The following SPATA31D1 variants were observed in gnomAD, a reference collection of about 807,000 sequenced individuals.
SPATA31D1 encodes the protein spermatogenesis-associated protein 31D1.
Under a neutral mutation model 13.2 loss-of-function variants are expected in SPATA31D1, and 6 were observed. The observed-to-expected ratio is 0.46, with a 90% CI of 0.25 to 0.90. SPATA31D1 has a LOEUF of 0.90. Ranked by LOEUF, SPATA31D1 falls within the 40% of genes least tolerant of loss-of-function variation. The probability of loss-of-function intolerance (pLI) is 0.18; values close to 1 mark genes in which losing one functional copy is unlikely to be tolerated. For synonymous variants in SPATA31D1, 903 were observed against 718.8 expected (o/e 1.26, Z -4.10); for missense variants, 2,445 against 1,884.7 (o/e 1.30, Z -5.50).
At position 81,990,912 on chromosome 9, in the gene SPATA31D1, T is replaced by A; in HGVS notation, c.442T>A (p.Ser148Thr). Residue 148 changes from serine to threonine, a missense_variant, in exon 4 of 4, where the codon TCC becomes ACC. Physicochemically the swap from Ser to Thr is moderately conservative, Grantham distance 58 (BLOSUM62 1). Coordinates refer to ENST00000344803, the MANE Select transcript of SPATA31D1 (RefSeq NM_001001670.3). ...ADIQQLLSWE[S>T]LKDAAPSVSP... ...TATCCAGCAACTGCTGTCTTGGGAG[T>A]CCCTGAAAGATGCTGCTCCCTCTGT... 6.2e-7 allele frequency: 1 copy of A among 1,613,546 alleles called. No individual in the cohort carries two copies. The highest frequency in any genetic ancestry group is 1.7e-5 in the Admixed American group (1 of 59,954).
At chr9:81,987,915 C>T (rs1205175142), upstream of SPATA31D1, among the ~76,000 whole-genome samples, 5 of 152,196 alleles carry the variant, frequency 3.3e-5, no homozygotes, top group African/African-American at 9.6e-5. Flanking sequence ...AGCTGGCTGG[C>T]GTCACAGCCC....
Position 81,992,727 on chromosome 9 carries a change from C to T in SPATA31D1, c.2257C>T (p.Pro753Ser), listed in dbSNP as rs545600287. ...NVLKKSASSFPRSFHERSSNM... is the reference protein window; with the variant it reads ...NVLKKSASSFSRSFHERSSNM... Reference sequence around the variant, plus strand: ...TCTAAAGAAGTCCGCATCAAGCTTCCCTAGAAGCTTCCACGAGAGGAGCTC... The same window carrying T: ...TCTAAAGAAGTCCGCATCAAGCTTCTCTAGAAGCTTCCACGAGAGGAGCTC... Residue 753 changes from proline (P) to serine (S), a missense_variant, in exon 4 of 4, where the codon CCT becomes TCT. Coordinates refer to ENST00000344803, the MANE Select transcript of SPATA31D1 (RefSeq NM_001001670.3). The T allele has an allele frequency of 1.9e-6, 3 of 1,613,770 alleles. No individual in the cohort carries two copies. Among genetic ancestry groups the T allele is most frequent in the African/African-American group, 1.3e-5 (1 of 75,048 alleles).
rs771466098 is a variant in SPATA31D1 at position 81,992,961 on chromosome 9, A to T, written c.2491A>T (p.Thr831Ser). 1 of 1,613,740 alleles carries T rather than the reference A, an allele frequency of 6.2e-7. No homozygotes were observed. The highest frequency in any genetic ancestry group is 1.7e-5 in the Admixed American group (1 of 60,016). The change falls in exon 4 of 4, where the codon ACA becomes TCA. Residue 831 changes from threonine to serine, a missense_variant. Coordinates refer to ENST00000344803, the MANE Select transcript of SPATA31D1 (RefSeq NM_001001670.3). Reference sequence around the variant, plus strand: ...TCAGAAACAACTTGAAAATGCCCTGACAGTACGTTTGAGCAAGAAATTTGA... The same window carrying T: ...TCAGAAACAACTTGAAAATGCCCTGTCAGTACGTTTGAGCAAGAAATTTGA... ...LGQKQLENAL[T>S]VRLSKKFEEI...
rs771251543 is a variant in SPATA31D1 at position 81,993,134 on chromosome 9, T to G, written c.2664T>G (p.Thr888=). Residue 888 remains threonine (T), a synonymous_variant, in exon 4 of 4, where the codon ACT becomes ACG. Coordinates refer to ENST00000344803, the MANE Select transcript of SPATA31D1 (RefSeq NM_001001670.3). The part of the protein sequence containing the change: ...TLVSEDHCVD[T]SQEISFLSSN... ...TGAGTGAGGACCACTGCGTTGATAC[T>G]TCCCAGGAAATTTCCTTCCTTAGTT... 54 of 1,613,886 alleles carry G rather than the reference T, an allele frequency of 3.3e-5. No individual in the cohort carries two copies. Among genetic ancestry groups the G allele is most frequent in the Non-Finnish European group, 4.4e-5 (52 of 1,179,900 alleles).
chr9:81,990,450 AG>A lies in SPATA31D1; in HGVS notation c.268del (p.Glu90LysfsTer10). 2.5e-6 allele frequency: 4 copies of A among 1,609,102 alleles called. No homozygotes were observed. Among genetic ancestry groups the A allele is most frequent in the Non-Finnish European group, 3.4e-6 (4 of 1,177,576 alleles). ...FPDWKSFQRE[E>X]EEERKLLSLL... Reference sequence around the variant, plus strand: ...GACTGGAAAAGTTTCCAGAGAGAAGAGGAAGAGGAAAGGAAGCTGCTTTCTC... The same window carrying A: ...GACTGGAAAAGTTTCCAGAGAGAAGAGAAGAGGAAAGGAAGCTGCTTTCTC... On this transcript the variant is annotated frameshift_variant, in exon 3 of 4. Coordinates refer to ENST00000344803, the MANE Select transcript of SPATA31D1 (RefSeq NM_001001670.3). LOFTEE classifies it low-confidence loss of function (END_TRUNC).
chr9:81,992,692 G>A lies in SPATA31D1; in HGVS notation c.2222G>A (p.Arg741Lys), dbSNP rs777773457. The A allele has an allele frequency of 5.0e-6, 8 of 1,613,822 alleles. No homozygotes were observed. Among genetic ancestry groups the A allele is most frequent in the Non-Finnish European group, 6.8e-6 (8 of 1,179,728 alleles). ...PLNISLVEGQ[R>K]CNVLKKSASS... Reference sequence around the variant, plus strand: ...AATATCTCTTTGGTTGAGGGTCAGAGGTGCAATGTTCTAAAGAAGTCCGCA... The same window carrying A: ...AATATCTCTTTGGTTGAGGGTCAGAAGTGCAATGTTCTAAAGAAGTCCGCA... The change falls in exon 4 of 4, where the codon AGG (arginine) becomes AAG (lysine). Residue 741 changes from arginine (R) to lysine (K), a missense_variant. By Grantham distance (26) the Arg-to-Lys change is conservative. Transcript: ENST00000344803.
rs145735905 is a variant in SPATA31D1 at position 81,992,654 on chromosome 9, T to C, written c.2184T>C (p.Ile728=). ...KISELSVSER[I]HGPLNISLVE... ...CAGAGCTATCTGTGTCAGAGAGAAT[T>C]CATGGACCGTTAAATATCTCTTTGG... The change falls in exon 4 of 4, where the codon ATT becomes ATC. Residue 728 remains isoleucine, a synonymous_variant. Coordinates refer to ENST00000344803, the MANE Select transcript of SPATA31D1 (RefSeq NM_001001670.3). 428 of 1,613,830 alleles carry C rather than the reference T, an allele frequency of 2.7e-4. 2 individuals carry two copies. In the East Asian group the frequency reaches 8.4e-3, roughly 32 times the overall value.
Position 81,995,040 on chromosome 9 carries a change from G to A in SPATA31D1, c.4570G>A (p.Val1524Met). 6.2e-7 allele frequency: 1 copy of A among 1,613,928 alleles called. No individual in the cohort carries two copies. The highest frequency in any genetic ancestry group is 8.5e-7 in the Non-Finnish European group (1 of 1,179,848). Residue 1524 changes from valine (V) to methionine (M), a missense_variant, in exon 4 of 4, where the codon GTG (valine) becomes ATG (methionine). Val to Met is a conservative substitution (Grantham distance 21). Coordinates refer to ENST00000344803, the MANE Select transcript of SPATA31D1 (RefSeq NM_001001670.3). ...HPQSMPHRKP[V>M]PHPNPTCRRQ... The stretch of plus-strand genomic sequence containing the variant: ...CCAATCCATGCCCCACAGGAAGCCT[G>A]TGCCACATCCAAACCCCACTTGCCG...
rs754991223 is a variant in SPATA31D1, at chr9:81,992,326, C to A, written c.1856C>A (p.Ser619Tyr). 6.2e-7 allele frequency: 1 copy of A among 1,613,802 alleles called. No individual in the cohort carries two copies. ...AACGAGGCACGGTCTCTTTTGCCAT[C>A]TGAAATTAACCATCTGGAGTGGAAC... ...PQNEARSLLP[S>Y]EINHLEWNVL... The change falls in exon 4 of 4, where the codon TCT (serine) becomes TAT (tyrosine). Residue 619 changes from serine (S) to tyrosine (Y), a missense_variant. Coordinates refer to ENST00000344803, the MANE Select transcript of SPATA31D1 (RefSeq NM_001001670.3).
chr9:81,990,961 C>T lies in SPATA31D1; in HGVS notation c.491C>T (p.Ser164Phe), dbSNP rs772660871. The T allele has an allele frequency of 3.1e-6, 5 of 1,613,904 alleles. No individual in the cohort carries two copies. In the East Asian group the frequency reaches 1.1e-4, roughly 36 times the overall value. ...PSVSPLASSA[S>F]ATESSFTLAS... Reference sequence around the variant, plus strand: ...GTGTCCCCTTTGGCTTCTTCGGCTTCTGCGACTGAGTCATCGTTCACTCTG... The same window carrying T: ...GTGTCCCCTTTGGCTTCTTCGGCTTTTGCGACTGAGTCATCGTTCACTCTG... The change falls in exon 4 of 4, where the codon TCT (serine) becomes TTT (phenylalanine). Residue 164 changes from serine (S) to phenylalanine (F), a missense_variant. By Grantham distance (155) the Ser-to-Phe change is radical (BLOSUM62 -2). Transcript: ENST00000344803.
Position 81,993,361 on chromosome 9 carries a change from G to A in SPATA31D1, c.2891G>A (p.Arg964His), listed in dbSNP as rs367962212. The change falls in exon 4 of 4, where the codon CGT becomes CAT. Residue 964 changes from arginine to histidine, a missense_variant. Arg to His is a conservative substitution (Grantham distance 29). Coordinates refer to ENST00000344803, the MANE Select transcript of SPATA31D1 (RefSeq NM_001001670.3). ...GDSKDGVSKS[R>H]SRSTFQGEKL... ...TCCAAAGATGGGGTCTCTAAGTCCC[G>A]TAGTCGAAGCACTTTTCAAGGAGAA... is the stretch of plus-strand genomic sequence containing the variant. 23 of 1,613,830 alleles carry A rather than the reference G, an allele frequency of 1.4e-5. No homozygotes were observed. Among genetic ancestry groups the A allele is most frequent in the East Asian group, 4.5e-5 (2 of 44,854 alleles).
chr9:81,990,577 T>A, intron 3 of SPATA31D1, 91 bp downstream of exon 3: 1 of 1,421,872 alleles, frequency 7.0e-7, no homozygotes, highest in Non-Finnish European at 9.5e-7. Flanking sequence ...TGTAGCCTGC[T>A]GTAGTTTTGG....
chr9:81,992,197 C>T lies in SPATA31D1; in HGVS notation c.1727C>T (p.Thr576Ile), dbSNP rs763820438. Reference sequence around the variant, plus strand: ...CCCCAAGGTCAGTCCCCACATCTCACTCAGGTGAAGTCCCTGGCTCAACCT... The same window carrying T: ...CCCCAAGGTCAGTCCCCACATCTCATTCAGGTGAAGTCCCTGGCTCAACCT... Reference protein sequence around the residue: ...TLPQGQSPHLTQVKSLAQPQS... With the variant: ...TLPQGQSPHLIQVKSLAQPQS... The change falls in exon 4 of 4, where the codon ACT (threonine) becomes ATT (isoleucine). Residue 576 changes from threonine to isoleucine, a missense_variant. By Grantham distance (89) the Thr-to-Ile change is moderately conservative. Transcript: ENST00000344803. 1.2e-5 allele frequency: 19 copies of T among 1,613,664 alleles called. No individual in the cohort carries two copies. The highest frequency in any genetic ancestry group is 1.4e-5 in the Non-Finnish European group (17 of 1,179,734).
chr9:81,994,639 G>A lies in SPATA31D1; in HGVS notation c.4169G>A (p.Arg1390Gln), dbSNP rs772943048. Residue 1390 changes from arginine (R) to glutamine (Q), a missense_variant, in exon 4 of 4, where the codon CGA becomes CAA. Physicochemically the swap from Arg to Gln is conservative, Grantham distance 43. Transcript: ENST00000344803. ...SLSSCVQNIG[R>Q]VIRAAFTGTT... is the part of the protein sequence containing the mutation. The stretch of plus-strand genomic sequence containing the variant: ...TCATCATGTGTGCAGAATATTGGTC[G>A]AGTTATAAGAGCTGCCTTTACTGGG... 7.4e-6 allele frequency: 12 copies of A among 1,613,178 alleles called. 1 individual carries two copies. The highest frequency in any genetic ancestry group is 1.7e-4 in the Middle Eastern group (1 of 6,060).
At position 81,994,393 on chromosome 9, in the gene SPATA31D1, A is replaced by T. The variant is rs779724369; in HGVS notation, c.3923A>T (p.Asp1308Val). ...RPKGGELDGG[D>V]AGLGTSQRRR... ...AAAGGAGGAGAGCTTGATGGAGGGGATGCAGGGCTGGGGACATCCCAACGC... is the reference window on the plus strand; with the variant it reads ...AAAGGAGGAGAGCTTGATGGAGGGGTTGCAGGGCTGGGGACATCCCAACGC... The change falls in exon 4 of 4, where the codon GAT becomes GTT. Residue 1308 changes from aspartate (D) to valine (V), a missense_variant. Asp to Val is a radical substitution (Grantham distance 152). Coordinates refer to ENST00000344803, the MANE Select transcript of SPATA31D1 (RefSeq NM_001001670.3). 2 of 1,613,936 alleles carry T rather than the reference A, an allele frequency of 1.2e-6. No individual in the cohort carries two copies. Among genetic ancestry groups the T allele is most frequent in the South Asian group, 1.1e-5 (1 of 91,080 alleles).
rs1824969355 is a variant in SPATA31D1, at chr9:81,991,733, A to G, written c.1263A>G (p.Lys421=). 1.2e-6 allele frequency: 2 copies of G among 1,613,724 alleles called. No homozygotes were observed. Among genetic ancestry groups the G allele is most frequent in the Non-Finnish European group, 1.7e-6 (2 of 1,179,776 alleles). ...CACTCCTGGAGAGACAAGTCAAAAA[A>G]AGGGGTGATTTCCTGATGTGGAAAG... ...ILALLERQVK[K]RGDFLMWKEN... is the part of the protein sequence containing the mutation. The change falls in exon 4 of 4, where the codon AAA becomes AAG. Residue 421 remains lysine (K), a synonymous_variant. Coordinates refer to ENST00000344803, the MANE Select transcript of SPATA31D1 (RefSeq NM_001001670.3).
chr9:81,987,420 C>T (rs1432377601), upstream of SPATA31D1, among the ~76,000 whole-genome samples: 1 of 152,154 alleles, frequency 6.6e-6, no homozygotes, highest in Admixed American at 6.5e-5. Context: ...ATAACTGCTG[C>T]TAATTGGAGT....
In SPATA31D1 at chr9:81,989,110, A is replaced by T. The variant is rs1370037176; in HGVS notation, c.186+106A>T. The T allele has an allele frequency of 1.1e-5, 16 of 1,473,542 alleles. No individual in the cohort carries two copies. The Admixed American group carries it at 3.8e-4, about 35-fold the overall frequency. 91.3% of individuals were successfully genotyped at this position (1,473,542 alleles called of 1,614,324 possible). On this transcript the variant is annotated intron_variant, in intron 1 of 3. Coordinates refer to ENST00000344803, the MANE Select transcript of SPATA31D1 (RefSeq NM_001001670.3). ...TGGTTGGTACAGAGACATGTTTTAG[A>T]TGGGAAGTCTGAAGAGAGGATAGAA...
chr9:81,992,827 T>G lies in SPATA31D1; in HGVS notation c.2357T>G (p.Leu786Trp), dbSNP rs769681115. ...GAGACTGTCCCAAAAGATCACCTGT[T>G]GCATGGTCCGGAGACTTCTTCAGAC... The part of the protein sequence containing the change: ...SQETVPKDHL[L>W]HGPETSSDKD... The change falls in exon 4 of 4, where the codon TTG (leucine) becomes TGG (tryptophan). Residue 786 changes from leucine to tryptophan, a missense_variant. Physicochemically the swap from Leu to Trp is moderately conservative, Grantham distance 61. Coordinates refer to ENST00000344803, the MANE Select transcript of SPATA31D1 (RefSeq NM_001001670.3). 6 of 1,613,682 alleles carry G rather than the reference T, an allele frequency of 3.7e-6. No individual in the cohort carries two copies. The highest frequency in any genetic ancestry group is 5.1e-6 in the Non-Finnish European group (6 of 1,179,728).
Sources: allele counts gnomAD v4.1 joint callset (sites outside exome capture counted in the v4.1 genomes callset), GRCh38; gene constraint gnomAD v4.1.1; transcripts MANE v1.5; gene names NCBI Gene and HGNC (gene_info 2026-07-23, HGNC 2026-07-21).